RPS6KL1: variants seen among roughly 807,000 people sequenced by gnomAD.
RPS6KL1 encodes ribosomal protein S6 kinase like 1.
Under a neutral mutation model 57.0 loss-of-function variants are expected in RPS6KL1, and 41 were observed. The ratio of observed to expected loss-of-function variants is 0.72; its 90% CI spans 0.56 to 0.93. The LOEUF (loss-of-function observed/expected upper bound fraction) is 0.93. Ranked by LOEUF, RPS6KL1 falls within the 40% of genes least tolerant of loss-of-function variation. RPS6KL1 has a pLI of 0.00. For missense variants in RPS6KL1, 697 were observed against 727.7 expected (o/e 0.96, Z 0.49); for synonymous variants, 287 against 309.7 (o/e 0.93, Z 0.77).
chr14:74,923,118 G>A (rs1199664256), intron 1 of RPS6KL1, 62 bp downstream of exon 1: 3 of 152,284 alleles, frequency 2.0e-5, no homozygotes, highest in East Asian at 1.9e-4. Context: ...CCAGGGTGGA[G>A]GGACGGCCGA....
At position 74,922,207 on chromosome 14, in the gene RPS6KL1, G is replaced by A; in HGVS notation, c.-250C>T. ...CAGCCACCTTCACAGGGCCTCCGTA[G>A]AGCAAGCTTGGTATCCAGTACGCAT... On this transcript the variant is annotated 5_prime_UTR_variant, in exon 2 of 12. Coordinates refer to ENST00000557413, the MANE Select transcript of RPS6KL1 (RefSeq NM_031464.5). 2 of 987,276 alleles carry A rather than the reference G, an allele frequency of 2.0e-6. No individual in the cohort carries two copies. The highest frequency in any genetic ancestry group is 2.4e-6 in the Non-Finnish European group (2 of 831,126). 61.2% of individuals were successfully genotyped at this position (987,276 alleles called of 1,614,324 possible).
chr14:74,922,041 A>G lies in RPS6KL1; in HGVS notation c.-84T>C, dbSNP rs1295519620. The stretch of plus-strand genomic sequence containing the variant: ...TGATCCGTCTGCCTCGGCCTCCCAC[A>G]GTGCTGGGATTATAGACGTGAGCCA... On this transcript the variant is annotated 5_prime_UTR_variant, in exon 2 of 12. Coordinates refer to ENST00000557413, the MANE Select transcript of RPS6KL1 (RefSeq NM_031464.5). 2 of 333,386 alleles carry G rather than the reference A, an allele frequency of 6.0e-6. No individual in the cohort carries two copies. The highest frequency in any genetic ancestry group is 8.9e-6 in the Non-Finnish European group (2 of 225,026). The allele number at this position is 333,386 out of a possible 1,614,324, so 20.7% of individuals were successfully genotyped here. A position where few individuals can be genotyped will look rare whatever the true frequency, so the allele number is the denominator to read the frequency against.
At position 74,906,409 on chromosome 14, in the gene RPS6KL1, T is replaced by TGGA. The variant is rs1555375177; in HGVS notation, c.*604_*605insTCC. On this transcript the variant is annotated 3_prime_UTR_variant, in exon 12 of 12. Transcript: ENST00000557413. ...AGGGGGCATGGTCAGGAATCGGGGG[T>TGGA]GGGGGGGTGGGGGTGGGGGTCATCC... 1 of 157,422 alleles carries TGGA rather than the reference T, an allele frequency of 6.4e-6. No homozygotes were observed. The highest frequency in any genetic ancestry group is 1.5e-4 in the East Asian group (1 of 6,852). 9.8% of individuals were successfully genotyped at this position (157,422 alleles called of 1,614,324 possible).
In RPS6KL1 at chr14:74,922,299, C is replaced by T. The variant is rs748668223; in HGVS notation, c.-342G>A. Reference sequence around the variant, plus strand: ...CCTCATGCTGTTCCCTCCACCCTGCCTGTTGTCTCCTCCCTGCTCCTCCTG... The same window carrying T: ...CCTCATGCTGTTCCCTCCACCCTGCTTGTTGTCTCCTCCCTGCTCCTCCTG... On this transcript the variant is annotated 5_prime_UTR_variant, in exon 2 of 12. Coordinates refer to ENST00000557413, the MANE Select transcript of RPS6KL1 (RefSeq NM_031464.5). The T allele has an allele frequency of 5.1e-6, 5 of 986,348 alleles. No homozygotes were observed. Among genetic ancestry groups the T allele is most frequent in the Non-Finnish European group, 6.0e-6 (5 of 830,564 alleles). The allele number at this position is 986,348 out of a possible 1,614,324, so 61.1% of individuals were successfully genotyped here.
In RPS6KL1 at chr14:74,909,179, G is replaced by T. The variant is rs1885449604; in HGVS notation, c.1282C>A (p.Leu428Ile). The T allele has an allele frequency of 6.2e-7, 1 of 1,614,194 alleles. No individual in the cohort carries two copies. Among genetic ancestry groups the T allele is most frequent in the Admixed American group, 1.7e-5 (1 of 60,030 alleles). The change falls in exon 9 of 12, where the codon CTC (leucine) becomes ATC (isoleucine). Residue 428 changes from leucine to isoleucine, a missense_variant. By Grantham distance (5) the Leu-to-Ile change is conservative. Transcript: ENST00000557413. ...TCTGACCACTGGCCAAAATATGTGA[G>T]CCGGATGTGACCTCCAGTGTGTGGG... ...LLLDQAGHIR[L>I]TYFGQWSEVE...
intron 5 of RPS6KL1, among the ~76,000 whole-genome samples, chr14:74,913,637 C>T (rs1204180258): frequency 2.6e-5 from 4 of 152,212 alleles, no homozygotes; most frequent in Non-Finnish European, 4.4e-5. Flanking sequence ...TCAGTGATCA[C>T]ATCTGCCAAG....
In RPS6KL1 at chr14:74,906,414, G is replaced by GGGT; in HGVS notation, c.*597_*599dup. ...GCATGGTCAGGAATCGGGGGTGGGGGGGTGGGGGTGGGGGTCATCCTGTCC... is the reference window on the plus strand; with the variant it reads ...GCATGGTCAGGAATCGGGGGTGGGGGGGTGGTGGGGGTGGGGGTCATCCTGTCC... On this transcript the variant is annotated 3_prime_UTR_variant, in exon 12 of 12. Coordinates refer to ENST00000557413, the MANE Select transcript of RPS6KL1 (RefSeq NM_031464.5). 3 of 338,822 alleles carry GGGT rather than the reference G, an allele frequency of 8.9e-6. No homozygotes were observed. Among genetic ancestry groups the GGGT allele is most frequent in the South Asian group, 6.2e-5 (3 of 48,372 alleles). The allele number at this position is 338,822 out of a possible 1,614,324, so 21.0% of individuals were successfully genotyped here.
chr14:74,906,845 G>GT lies in RPS6KL1; in HGVS notation c.*168_*169insA, dbSNP rs1884967809. 2.6e-6 allele frequency: 2 copies of GT among 759,098 alleles called. No homozygotes were observed. The highest frequency in any genetic ancestry group is 1.8e-5 in the Admixed American group (1 of 55,526). 47.0% of individuals were successfully genotyped at this position (759,098 alleles called of 1,614,324 possible). A position where few individuals can be genotyped will look rare whatever the true frequency, so the allele number is the denominator to read the frequency against. ...CTTTTCCAGGAGCTGGCCCTTCCTG[G>GT]GTGGTGGCCATAATTCTGAGGCCCC... On this transcript the variant is annotated 3_prime_UTR_variant, in exon 12 of 12. Transcript: ENST00000557413.
intron 5 of RPS6KL1, among the ~76,000 whole-genome samples, chr14:74,912,942 C>T (rs574070569): frequency 6.6e-6 from 1 of 152,164 alleles, no homozygotes; most frequent in Non-Finnish European, 1.5e-5. Flanking sequence ...ATGGGTACGT[C>T]GAGGGCGGGA....
At position 74,906,753 on chromosome 14, in the gene RPS6KL1, C is replaced by CTGT. The variant is rs1185586589; in HGVS notation, c.*258_*260dup. 3.1e-6 allele frequency: 2 copies of CTGT among 646,060 alleles called. No homozygotes were observed. Among genetic ancestry groups the CTGT allele is most frequent in the Non-Finnish European group, 2.9e-6 (1 of 340,900 alleles). The allele number at this position is 646,060 out of a possible 1,614,324, so 40.0% of individuals were successfully genotyped here. A position where few individuals can be genotyped will look rare whatever the true frequency, so the allele number is the denominator to read the frequency against. The stretch of plus-strand genomic sequence containing the variant: ...TGGTGAGTCCACATGCTCAACGGGT[C>CTGT]TGTTGACTGATGGGTAGATGGTTCA... On this transcript the variant is annotated 3_prime_UTR_variant, in exon 12 of 12. Coordinates refer to ENST00000557413, the MANE Select transcript of RPS6KL1 (RefSeq NM_031464.5).
Position 74,921,166 on chromosome 14 carries a change from G to A in RPS6KL1, c.265+111C>T. On this transcript the variant is annotated intron_variant, in intron 3 of 11. Transcript: ENST00000557413. ...TGGAGGCCCTGCAGGCCAGCATAGT[G>A]CCGTGCTCACTCAGTACAAATGGAC... is the stretch of plus-strand genomic sequence containing the variant. 5 of 944,236 alleles carry A rather than the reference G, an allele frequency of 5.3e-6. No individual in the cohort carries two copies. In the South Asian group the frequency reaches 7.7e-5, roughly 15 times the overall value. 58.5% of individuals were successfully genotyped at this position (944,236 alleles called of 1,614,324 possible).
chr14:74,914,201 G>A (rs1035820709), intron 5 of RPS6KL1, among the ~76,000 whole-genome samples: 15 of 152,368 alleles, frequency 9.8e-5, no homozygotes, highest in African/African-American at 3.1e-4. Context: ...AACAGCCAGA[G>A]ACCGAGTCCA....
Position 74,906,239 on chromosome 14 carries a change from C to T in RPS6KL1, c.*775G>A. The T allele has an allele frequency of 3.3e-6, 1 of 298,590 alleles. No homozygotes were observed. Among genetic ancestry groups the T allele is most frequent in the Non-Finnish European group, 6.7e-6 (1 of 149,412 alleles). The allele number at this position is 298,590 out of a possible 1,614,324, so 18.5% of individuals were successfully genotyped here. ...CCCCTGGGGCAGGCTGCCCCTCTTC[C>T]CCCACACAGGCCCACTGGGGAGGAG... On this transcript the variant is annotated 3_prime_UTR_variant, in exon 12 of 12. Transcript: ENST00000557413.
rs946057438 is a variant in RPS6KL1, at chr14:74,909,193, C to T, written c.1271-3G>A. 1.9e-6 allele frequency: 3 copies of T among 1,613,938 alleles called. No homozygotes were observed. Among genetic ancestry groups the T allele is most frequent in the Non-Finnish European group, 2.5e-6 (3 of 1,179,812 alleles). The stretch of plus-strand genomic sequence containing the variant: ...AAAATATGTGAGCCGGATGTGACCT[C>T]CAGTGTGTGGGAGGAAAAAGGAGGG... On this transcript the variant is annotated splice_region_variant and splice_polypyrimidine_tract_variant and intron_variant, in intron 8 of 11. Transcript: ENST00000557413.
rs1300786173 is a variant in RPS6KL1, at chr14:74,910,157, T to C, written c.665-9A>G. ...GGACCAGAGAGTGCCTCCTGGGCCA[T>C]GCAGAGGGAGCGGTGAGCGTGGGGA... On this transcript the variant is annotated splice_polypyrimidine_tract_variant and intron_variant, in intron 7 of 11. Coordinates refer to ENST00000557413, the MANE Select transcript of RPS6KL1 (RefSeq NM_031464.5). 2.6e-6 allele frequency: 4 copies of C among 1,511,472 alleles called. No individual in the cohort carries two copies. In the African/African-American group the frequency reaches 4.2e-5, roughly 16 times the overall value. 93.6% of individuals were successfully genotyped at this position (1,511,472 alleles called of 1,614,324 possible). A position where few individuals can be genotyped will look rare whatever the true frequency, so the allele number is the denominator to read the frequency against.
intron 10 of RPS6KL1, among the ~76,000 whole-genome samples, chr14:74,908,146 G>A (rs553148337): frequency 2.0e-5 from 3 of 152,322 alleles, no homozygotes; most frequent in African/African-American, 2.4e-5. Context: ...GCCATGGGAC[G>A]AAAGCAGGAG....
intron 4 of RPS6KL1, 70 bp downstream of exon 4, chr14:74,919,775 C>T (rs1887488810): frequency 1.6e-5 from 25 of 1,551,888 alleles, no homozygotes; most frequent in Admixed American, 1.1e-4. Context: ...CTGTGGGTGT[C>T]GGGGCCTCCG....
intron 3 of RPS6KL1, 39 bp downstream of exon 3, chr14:74,921,238 T>TTCCCCCCCCCCCCCCCCCCCC: frequency 1.2e-6 from 1 of 840,150 alleles, no homozygotes; most frequent in Non-Finnish European, 2.0e-6. Flanking sequence ...CACTGGCCCT[T>TTCCCCCCCCCCCCCCCCCCCC]CCCCACCCAC....
Position 74,910,025 on chromosome 14 carries a change from G to A in RPS6KL1, c.788C>T (p.Ala263Val), listed in dbSNP as rs771834776. The A allele has an allele frequency of 6.0e-5, 97 of 1,613,676 alleles. No homozygotes were observed. The highest frequency in any genetic ancestry group is 7.6e-5 in the Non-Finnish European group (90 of 1,179,922). Residue 263 changes from alanine to valine, a missense_variant, in exon 8 of 12, where the codon GCG becomes GTG. By Grantham distance (64) the Ala-to-Val change is moderately conservative. Transcript: ENST00000557413. ...AGGGGCATGGCCTGAGGGAAGCCTC[G>A]CTGGGGTCAGGAGGTTGAGGTGGGG... ...LNPHLNLLTP[A>V]RLPSGHAPGQ...
Sources: gnomAD v4.1 joint callset for allele counts (sites outside exome capture counted in the v4.1 genomes callset) on GRCh38, gnomAD v4.1.1 for gene constraint, MANE v1.5 for transcripts, NCBI Gene and HGNC (gene_info 2026-07-23, HGNC 2026-07-21) for gene names.